SPATA13: variants seen among roughly 807,000 people sequenced by gnomAD.
The protein encoded by SPATA13 is spermatogenesis-associated protein 13.
In SPATA13, 50 loss-of-function variants were observed where a neutral mutation model predicts 104.0. The ratio of observed to expected loss-of-function variants is 0.48; its 90% CI spans 0.38 to 0.61. The LOEUF is 0.61. Among genes scored for constraint, SPATA13 ranks in the 20% least tolerant of loss-of-function variants. The probability of loss-of-function intolerance (pLI) is 0.00; values close to 1 mark genes in which losing one functional copy is unlikely to be tolerated. For missense variants in SPATA13, 1,524 were observed against 1,690.6 expected (o/e 0.90, Z 1.73); for synonymous variants, 606 against 667.5 (o/e 0.91, Z 1.42).
chr13:24,065,139 C>A (rs1175370072), intron 3 of SPATA13, among the ~76,000 whole-genome samples: 1 of 152,088 alleles, frequency 6.6e-6, no homozygotes, highest in Non-Finnish European at 1.5e-5. Context: ...AAGATGTTTA[C>A]CTGTCAGGGG....
At chr13:24,267,867 G>T (rs780148411) in intron 4 of SPATA13, among the ~76,000 whole-genome samples, 1 of 152,252 alleles carries the variant, frequency 6.6e-6, no homozygotes, top group Non-Finnish European at 1.5e-5. Flanking sequence ...CAAGTATGTT[G>T]TATAGTTTCT....
intron 1 of SPATA13, among the ~76,000 whole-genome samples, chr13:24,196,567 C>T (rs1236187069): frequency 6.6e-6 from 1 of 152,076 alleles, no homozygotes; most frequent in African/African-American, 2.4e-5. Flanking sequence ...AGACCCTTGT[C>T]TCTACAAAAA....
intron 1 of SPATA13, among the ~76,000 whole-genome samples, chr13:24,198,874 A>T (rs182061583): frequency 1.3e-5 from 2 of 151,976 alleles, no homozygotes; most frequent in South Asian, 2.1e-4. Context: ...CTCAGGGGTG[A>T]TGCAGGACCT....
rs1877528904 is a variant in SPATA13, at chr13:24,305,587, G to A, written c.*2814G>A. The A allele has an allele frequency of 1.3e-5, 2 of 152,156 alleles. No homozygotes were observed. The highest frequency in any genetic ancestry group is 2.9e-5 in the Non-Finnish European group (2 of 68,038). 9.4% of individuals were successfully genotyped at this position (152,156 alleles called of 1,614,324 possible). On this transcript the variant is annotated 3_prime_UTR_variant, in exon 13 of 13. Coordinates refer to ENST00000382108, the MANE Select transcript of SPATA13 (RefSeq NM_001166271.3). The stretch of plus-strand genomic sequence containing the variant: ...CACGTGTTCCACTTGGAAAGAAAGG[G>A]AACAGAGAGCCTCCTCCATGGACAG...
intron 3 of SPATA13, among the ~76,000 whole-genome samples, chr13:24,038,597 G>A (rs1359540016): frequency 6.6e-6 from 1 of 152,144 alleles, no homozygotes; most frequent in Non-Finnish European, 1.5e-5. Context: ...AAGGATTTTA[G>A]GCTCTGCAGG....
chr13:24,015,214 T>C lies in SPATA13; in HGVS notation c.-146-2453T>C, dbSNP rs543888488. On this transcript the variant is annotated intron_variant, in intron 2 of 14. Transcript: ENST00000424834. ...GCCACTGGATTTTTATAGTAAACAATGACCTCTGTGACTCTTAACGAGAGA... is the reference window on the plus strand; with the variant it reads ...GCCACTGGATTTTTATAGTAAACAACGACCTCTGTGACTCTTAACGAGAGA... Among the ~76,000 whole-genome samples, 19 of 152,290 alleles carry C rather than the reference T, an allele frequency of 1.2e-4. 1 individual carries two copies. In the East Asian group the frequency reaches 3.7e-3, roughly 29 times the overall value.
At position 24,297,523 on chromosome 13, in the gene SPATA13, A is replaced by C; in HGVS notation, c.3371A>C (p.Lys1124Thr). The change falls in exon 11 of 13, where the codon AAG (lysine) becomes ACG (threonine). Residue 1124 changes from lysine (K) to threonine (T), a missense_variant. By Grantham distance (78) the Lys-to-Thr change is moderately conservative. Around this residue, in one of 2 missense-constraint regions of SPATA13, gnomAD observed 435 missense variants for 554.8 expected, o/e 0.78. Coordinates refer to ENST00000382108, the MANE Select transcript of SPATA13 (RefSeq NM_001166271.3). ...CTGCGCAGGGACATGCTGTACTACA[A>C]GGGCCGGCTGGACATGGATGAGATG... ...DLLRRDMLYYKGRLDMDEMEL... is the reference protein window; with the variant it reads ...DLLRRDMLYYTGRLDMDEMEL... 1 of 1,614,196 alleles carries C rather than the reference A, an allele frequency of 6.2e-7. No individual in the cohort carries two copies. The highest frequency in any genetic ancestry group is 1.1e-5 in the South Asian group (1 of 91,090).
At chr13:24,226,606 C>T (rs894381783) in intron 2 of SPATA13, among the ~76,000 whole-genome samples, 1 of 152,184 alleles carries the variant, frequency 6.6e-6, no homozygotes, top group Non-Finnish European at 1.5e-5. Context: ...TTATTCTTCA[C>T]ATACATTTCT....
chr13:24,134,825 C>T (rs4770599), intron 3 of SPATA13, among the ~76,000 whole-genome samples: 103,784 of 151,714 alleles, frequency 0.68, 36,165 homozygotes, highest in East Asian at 0.9. Context: ...CAAAATTTTG[C>T]ATGTTGAAGT....
At chr13:24,078,545 T>C (rs1354536293) in intron 3 of SPATA13, among the ~76,000 whole-genome samples, 1 of 152,204 alleles carries the variant, frequency 6.6e-6, no homozygotes, top group Non-Finnish European at 1.5e-5. Flanking sequence ...GTATGCTCAC[T>C]TAACCTCTAG....
intron 3 of SPATA13, among the ~76,000 whole-genome samples, chr13:24,073,808 G>A (rs1393933074): frequency 1.3e-5 from 2 of 152,230 alleles, no homozygotes; most frequent in East Asian, 3.8e-4. Context: ...AGGGAGATGT[G>A]GGAGGGAGAA....
Position 24,168,601 on chromosome 13 carries a change from C to A in SPATA13, c.-112+7669C>A, listed in dbSNP as rs143620528. Among the ~76,000 whole-genome samples the A allele has an allele frequency of 8.0e-3, 1,204 of 150,330 alleles. 6 individuals are homozygous for A. The highest frequency in any genetic ancestry group is 0.012 in the South Asian group (56 of 4,822). On this transcript the variant is annotated intron_variant, in intron 1 of 12. Transcript: ENST00000382108. The stretch of plus-strand genomic sequence containing the variant: ...AGCCCAGTATGATGGTAAAGACCAA[C>A]CTCCATTGTGTGGTCTTACCATTGT...
At chr13:24,112,167 C>T (rs1419348078) in intron 3 of SPATA13, among the ~76,000 whole-genome samples, 1 of 152,186 alleles carries the variant, frequency 6.6e-6, no homozygotes, top group Non-Finnish European at 1.5e-5. Flanking sequence ...TGCACTTCTG[C>T]CCCCCATTCC....
chr13:24,160,117 G>A (rs1028126833), upstream of SPATA13, among the ~76,000 whole-genome samples: 1 of 152,198 alleles, frequency 6.6e-6, no homozygotes, highest in African/African-American at 2.4e-5. Flanking sequence ...CCTACCCTGC[G>A]TTTTCCTTTC....
chr13:24,305,796 A>T lies in SPATA13; in HGVS notation c.*3023A>T, dbSNP rs906927740. ...GTCGACTTTGTTAGAAGATAATTGA[A>T]GTAGCCTTGGGTCAAAAGCAACCTT... On this transcript the variant is annotated 3_prime_UTR_variant, in exon 13 of 13. Transcript: ENST00000382108. 2 of 152,250 alleles carry T rather than the reference A, an allele frequency of 1.3e-5. No individual in the cohort carries two copies. Among genetic ancestry groups the T allele is most frequent in the Non-Finnish European group, 2.9e-5 (2 of 68,046 alleles). 9.4% of individuals were successfully genotyped at this position (152,250 alleles called of 1,614,324 possible). A position where few individuals can be genotyped will look rare whatever the true frequency, so the allele number is the denominator to read the frequency against.
chr13:24,196,613 G>C (rs889863566), intron 1 of SPATA13, among the ~76,000 whole-genome samples: 1 of 152,136 alleles, frequency 6.6e-6, no homozygotes, highest in Non-Finnish European at 1.5e-5. Flanking sequence ...GCGTGGGCCT[G>C]TAGTCCTAGC....
At chr13:24,152,115 ATT>A (rs1408007544) in intron 3 of SPATA13, among the ~76,000 whole-genome samples, 1 of 152,218 alleles carries the variant, frequency 6.6e-6, no homozygotes, top group Non-Finnish European at 1.5e-5. Context: ...AGACTCAGTA[ATT>A]TATGGACAGC....
chr13:24,003,212 G>A (rs1384279732), intron 2 of SPATA13, among the ~76,000 whole-genome samples: 2 of 152,176 alleles, frequency 1.3e-5, no homozygotes, highest in African/African-American at 2.4e-5. Flanking sequence ...TGTACCTATA[G>A]ATAGAAAGGG....
Position 24,303,115 on chromosome 13 carries a change from C to T in SPATA13, c.*342C>T, listed in dbSNP as rs1011958705. On this transcript the variant is annotated 3_prime_UTR_variant, in exon 13 of 13. Transcript: ENST00000382108. ...GCTGATGATGAGCAAGTGCCTGCTGCAGGTCCAAACACAGCATCCAGGGCT... is the reference window on the plus strand; with the variant it reads ...GCTGATGATGAGCAAGTGCCTGCTGTAGGTCCAAACACAGCATCCAGGGCT... The T allele has an allele frequency of 2.6e-6, 1 of 386,010 alleles. No homozygotes were observed. The highest frequency in any genetic ancestry group is 5.0e-6 in the Non-Finnish European group (1 of 200,348). 23.9% of individuals were successfully genotyped at this position (386,010 alleles called of 1,614,324 possible). A position where few individuals can be genotyped will look rare whatever the true frequency, so the allele number is the denominator to read the frequency against.
Sources: allele counts gnomAD v4.1 joint callset (sites outside exome capture counted in the v4.1 genomes callset), GRCh38; gene constraint gnomAD v4.1.1; regional missense constraint gnomAD v4.1.1; transcripts MANE v1.5; gene names NCBI Gene and HGNC (gene_info 2026-07-23, HGNC 2026-07-21).